The following ZDHHC11 variants were observed in gnomAD, a reference collection of about 807,000 sequenced individuals.
ZDHHC11 encodes zDHHC palmitoyltransferase 11.
A neutral mutation model predicts 51.3 loss-of-function variants in ZDHHC11; 44 were observed. The observed-to-expected ratio is 0.86, with a 90% CI of 0.67 to 1.10. The LOEUF (loss-of-function observed/expected upper bound fraction) is 1.10. Ranked by LOEUF, ZDHHC11 falls within the 50% of genes least tolerant of loss-of-function variation. ZDHHC11 has a pLI of 0.00. For synonymous variants in ZDHHC11, 163 were observed against 222.0 expected (o/e 0.73, Z 2.36); for missense variants, 400 against 537.7 (o/e 0.74, Z 2.53).
intron 1 of ZDHHC11, among the ~76,000 whole-genome samples, 187 bp from the exon 2 acceptor site, chr5:848,847 A>AGCCCTGCACAC (rs1561303994): frequency 1.4e-4 from 19 of 137,682 alleles, no homozygotes; most frequent in African/African-American, 4.6e-4. Flanking sequence ...GCCCTGCACA[A>AGCCCTGCACAC]CTGAGCCCTG....
chr5:848,953 C>A (rs1397713874), intron 1 of ZDHHC11, among the ~76,000 whole-genome samples: 1 of 152,090 alleles, frequency 6.6e-6, no homozygotes, highest in Non-Finnish European at 1.5e-5. Flanking sequence ...ACACCCAGCC[C>A]TGCTCACCCG....
chr5:799,500 G>A (rs1287535487), intron 12 of ZDHHC11, among the ~76,000 whole-genome samples: 1 of 151,632 alleles, frequency 6.6e-6, no homozygotes, highest in East Asian at 1.9e-4. Flanking sequence ...GTTAGTCACT[G>A]TTGCTCACGG....
At chr5:859,880 G>T (rs1483714412), upstream of ZDHHC11, among the ~76,000 whole-genome samples, 1 of 152,168 alleles carries the variant, frequency 6.6e-6, no homozygotes, top group Non-Finnish European at 1.5e-5. Context: ...CTATCTGAAT[G>T]CCTCCGATGC....
chr5:818,288 G>A (rs568528758), intron 10 of ZDHHC11, among the ~76,000 whole-genome samples: 1 of 151,726 alleles, frequency 6.6e-6, no homozygotes, highest in South Asian at 2.1e-4. Context: ...ATGGAGTGAG[G>A]GAACGTTGGT....
chr5:827,523 A>ATT (rs1742444225), intron 7 of ZDHHC11, among the ~76,000 whole-genome samples: 1 of 150,902 alleles, frequency 6.6e-6, no homozygotes, highest in Non-Finnish European at 1.5e-5. Flanking sequence ...AACTTAAGGT[A>ATT]AAGTGGCAGA....
At chr5:819,487 C>G in intron 10 of ZDHHC11, 38 bp downstream of exon 10, 2 of 1,592,934 alleles carry the variant, frequency 1.3e-6, no homozygotes, top group Non-Finnish European at 1.7e-6. Flanking sequence ...CTGCACATGG[C>G]CCTGTCCTCG....
chr5:823,295 T>G (rs1741802612), intron 8 of ZDHHC11: 1 of 150,812 alleles, frequency 6.6e-6, no homozygotes. Flanking sequence ...GCTTTCTAGG[T>G]GGGACTGAGC....
chr5:843,939 G>A (rs1178156794), intron 3 of ZDHHC11, among the ~76,000 whole-genome samples: 120 of 109,730 alleles, frequency 1.1e-3, no homozygotes, highest in African/African-American at 1.7e-3. Flanking sequence ...GGCAGGGGCG[G>A]GGGCATGCAG....
At chr5:836,381 C>T (rs1465507686) in intron 6 of ZDHHC11, among the ~76,000 whole-genome samples, 10 of 150,362 alleles carry the variant, frequency 6.7e-5, no homozygotes, top group Non-Finnish European at 1.2e-4. Flanking sequence ...CCACAGTGCA[C>T]ATTCCTGCCC....
In ZDHHC11 at chr5:796,070, A is replaced by G. The variant is rs1227418888; in HGVS notation, c.*518T>C. The G allele has an allele frequency of 6.4e-6, 1 of 155,882 alleles. No individual in the cohort carries two copies. Among genetic ancestry groups the G allele is most frequent in the African/African-American group, 2.4e-5 (1 of 41,114 alleles). 9.7% of individuals were successfully genotyped at this position (155,882 alleles called of 1,614,324 possible). On this transcript the variant is annotated 3_prime_UTR_variant, in exon 13 of 13. Transcript: ENST00000283441. The stretch of plus-strand genomic sequence containing the variant: ...TCCCACTTCCCAGTACTGTGCTCCC[A>G]TTTCCCAATACTGTGCTCCCATTTT...
intron 11 of ZDHHC11, among the ~76,000 whole-genome samples, chr5:808,884 G>A (rs1426611703): frequency 6.8e-6 from 1 of 147,238 alleles, no homozygotes; most frequent in African/African-American, 2.5e-5. Context: ...ATTTTTAGTA[G>A]AGACAGGGTT....
chr5:855,967 G>A (rs1462157340), upstream of ZDHHC11, among the ~76,000 whole-genome samples: 1 of 151,846 alleles, frequency 6.6e-6, no homozygotes. Flanking sequence ...CAGTGAGCGA[G>A]GGGCACAGAC....
At position 819,576 on chromosome 5, in the gene ZDHHC11, G is replaced by T. The variant is rs774153679; in HGVS notation, c.1095C>A (p.Arg365=). 1.9e-6 allele frequency: 3 copies of T among 1,609,886 alleles called. No individual in the cohort carries two copies. Among genetic ancestry groups the T allele is most frequent in the African/African-American group, 2.7e-5 (2 of 74,766 alleles). The part of the protein sequence containing the change: ...KARNSRLICR[R]LCQFSTRVHP... ...GTACACGAGTGGAGAACTGACACAG[G>T]CGCCTGCAAATCAGCCGGGAGTTCC... The change falls in exon 10 of 13, where the codon CGC becomes CGA. Residue 365 remains arginine (R), a synonymous_variant. Coordinates refer to ENST00000283441, the MANE Select transcript of ZDHHC11 (RefSeq NM_024786.3).
At position 837,361 on chromosome 5, in the gene ZDHHC11, G is replaced by T. The variant is rs1159467782; in HGVS notation, c.900+4C>A. The T allele has an allele frequency of 1.9e-6, 3 of 1,613,760 alleles. No homozygotes were observed. Among genetic ancestry groups the T allele is most frequent in the Non-Finnish European group, 2.5e-6 (3 of 1,179,696 alleles). ...GAGAAATGGAGCAGAGAGACAGGTG[G>T]TACCTGGAGAACTCCTTTGTCCATT... On this transcript the variant is annotated splice_donor_region_variant and intron_variant, in intron 6 of 12. Transcript: ENST00000283441.
At chr5:853,319 C>T (rs112866955), upstream of ZDHHC11, among the ~76,000 whole-genome samples, 288 of 138,140 alleles carry the variant, frequency 2.1e-3, 2 homozygotes, top group Non-Finnish European at 3.3e-3. Flanking sequence ...GACAGCGAGT[C>T]GGGCACAGAC....
chr5:837,523 C>T lies in ZDHHC11; in HGVS notation c.785-43G>A, dbSNP rs757715623. 143 of 1,589,198 alleles carry T rather than the reference C, an allele frequency of 9.0e-5. No homozygotes were observed. The East Asian group carries it at 1.7e-3, about 19-fold the overall frequency. On this transcript the variant is annotated intron_variant, in intron 5 of 12. Transcript: ENST00000283441. ...GGAACAGGACAAGATACCAGCCCTG[C>T]GGCTTTGCACGGCGCCCACAGGACA...
intron 6 of ZDHHC11, among the ~76,000 whole-genome samples, chr5:836,390 C>T (rs1257330742): frequency 6.7e-6 from 1 of 150,302 alleles, no homozygotes; most frequent in Non-Finnish European, 1.5e-5. Flanking sequence ...ACATTCCTGC[C>T]CCGTGCTGCT....
chr5:845,515 G>A (rs1183715879), intron 3 of ZDHHC11, among the ~76,000 whole-genome samples: 5 of 152,144 alleles, frequency 3.3e-5, no homozygotes, highest in African/African-American at 9.7e-5. Flanking sequence ...TGCAGAGTCC[G>A]AGGCCAGCGC....
At chr5:837,535 G>T in intron 5 of ZDHHC11, 55 bp from the exon 6 acceptor site, 4 of 1,577,392 alleles carry the variant, frequency 2.5e-6, no homozygotes, top group Non-Finnish European at 2.6e-6. Context: ...GCTTTGCACG[G>T]CGCCCACAGG....
Sources: allele counts gnomAD v4.1 joint callset (sites outside exome capture counted in the v4.1 genomes callset), GRCh38; gene constraint gnomAD v4.1.1; transcripts MANE v1.5; gene names NCBI Gene and HGNC (gene_info 2026-07-23, HGNC 2026-07-21).